SIK2: variants seen among roughly 807,000 people sequenced by gnomAD.
The protein encoded by SIK2 is salt inducible kinase 2, also known as serine/threonine-protein kinase SIK2.
SIK2 carries 29 observed loss-of-function variants against 103.2 expected under a neutral mutation model. That is an observed-to-expected ratio of 0.28 (90% CI 0.21 to 0.38). The LOEUF (loss-of-function observed/expected upper bound fraction) is 0.38, where lower values mean the gene tolerates loss of function less well. SIK2 is among the 10% of genes least tolerant of loss of function. SIK2 has a pLI of 1.00. For synonymous variants in SIK2, 412 were observed against 446.1 expected (o/e 0.92, Z 0.96); for missense variants, 879 against 1,171.0 (o/e 0.75, Z 3.64).
At chr11:111,668,180 GTGT>G (rs1565343257) in intron 3 of SIK2, among the ~76,000 whole-genome samples, 13 of 68,536 alleles carry the variant, frequency 1.9e-4, no homozygotes, top group African/African-American at 6.4e-4. Flanking sequence ...AAAGTAAGGA[GTGT>G]GTGTGTGTGT....
At chr11:111,702,821 T>C (rs1012960697) in intron 6 of SIK2, among the ~76,000 whole-genome samples, 3 of 152,216 alleles carry the variant, frequency 2.0e-5, no homozygotes, top group Non-Finnish European at 4.4e-5. Context: ...TTGCCTCGCT[T>C]ACGTAGCCTT....
At chr11:111,616,187 C>A in intron 1 of SIK2, 56 bp from the exon 2 acceptor site, 1 of 1,197,530 alleles carries the variant, frequency 8.4e-7, no homozygotes, top group Non-Finnish European at 1.2e-6. Context: ...GGATTCTTAA[C>A]TAGAAAATGT....
At chr11:111,666,251 T>C (rs535599082) in intron 3 of SIK2, among the ~76,000 whole-genome samples, 93 of 152,326 alleles carry the variant, frequency 6.1e-4, no homozygotes, top group African/African-American at 2.2e-3. Context: ...TAGAGGGGTG[T>C]TGGAGTTCCT....
chr11:111,690,349 A>G (rs1208005859), intron 4 of SIK2, among the ~76,000 whole-genome samples: 2 of 147,312 alleles, frequency 1.4e-5, no homozygotes, highest in African/African-American at 5.0e-5. Context: ...ACATTCCCTT[A>G]TTACCAAAAC....
chr11:111,714,714 T>C (rs1301289955), intron 9 of SIK2, among the ~76,000 whole-genome samples: 10 of 152,158 alleles, frequency 6.6e-5, no homozygotes, highest in Admixed American at 6.5e-4. Flanking sequence ...AGGCCGACCA[T>C]GAGTTCAGCC....
At chr11:111,650,629 C>T (rs1229935639) in intron 3 of SIK2, among the ~76,000 whole-genome samples, 1 of 152,076 alleles carries the variant, frequency 6.6e-6, no homozygotes, top group Non-Finnish European at 1.5e-5. Context: ...CATTCTCAAC[C>T]TCTTCCATTT....
chr11:111,627,568 G>A (rs1262368706), intron 3 of SIK2, among the ~76,000 whole-genome samples: 1 of 152,076 alleles, frequency 6.6e-6, no homozygotes, highest in Non-Finnish European at 1.5e-5. Context: ...CAGATAAGCG[G>A]GGACTACTGT....
At chr11:111,711,343 G>A (rs1169148894) in intron 8 of SIK2, among the ~76,000 whole-genome samples, 8 of 152,170 alleles carry the variant, frequency 5.3e-5, no homozygotes, top group South Asian at 2.1e-4. Context: ...GGATGGTCTC[G>A]ATCTCCTGAT....
At chr11:111,670,000 G>A (rs1222302213) in intron 3 of SIK2, among the ~76,000 whole-genome samples, 1 of 152,080 alleles carries the variant, frequency 6.6e-6, no homozygotes, top group African/African-American at 2.4e-5. Context: ...GTGTAATTGG[G>A]ATATCTGTCA....
At chr11:111,674,466 A>G (rs1050365878) in intron 3 of SIK2, among the ~76,000 whole-genome samples, 29 of 152,202 alleles carry the variant, frequency 1.9e-4, no homozygotes, top group African/African-American at 5.8e-4. Context: ...AGTCTTTTCT[A>G]CATCATCTTA....
intron 3 of SIK2, among the ~76,000 whole-genome samples, chr11:111,640,812 G>GCAAGCTC (rs1942172968): frequency 8.0e-6 from 1 of 125,646 alleles, no homozygotes; most frequent in South Asian, 2.7e-4. Flanking sequence ...TCAGCTCACT[G>GCAAGCTC]CAAGCTCCGC....
intron 8 of SIK2, among the ~76,000 whole-genome samples, chr11:111,711,107 T>C (rs1429813534): frequency 2.0e-5 from 3 of 151,998 alleles, no homozygotes; most frequent in African/African-American, 7.3e-5. Context: ...TAAGGAAAAA[T>C]TCTCTTTTAA....
At chr11:111,666,290 T>C (rs946927386) in intron 3 of SIK2, among the ~76,000 whole-genome samples, 3 of 152,196 alleles carry the variant, frequency 2.0e-5, no homozygotes, top group Admixed American at 1.3e-4. Flanking sequence ...TCCTGAGGTC[T>C]TTTCTAAGGG....
At position 111,705,466 on chromosome 11, in the gene SIK2, G is replaced by A. The variant is rs1198577187; in HGVS notation, c.1101+327G>A. Among the ~76,000 whole-genome samples, 2 of 152,096 alleles carry A rather than the reference G, an allele frequency of 1.3e-5. No homozygotes were observed. Among genetic ancestry groups the A allele is most frequent in the African/African-American group, 4.8e-5 (2 of 41,414 alleles). On this transcript the variant is annotated intron_variant, in intron 8 of 14. Transcript: ENST00000304987. The surrounding 1 kb of genome is among the most constrained non-coding windows in gnomAD (Gnocchi z 4.3). ...GCTTCTATTCTTAGGCACTGTTGGG[G>A]GTAAGATATATAAACTACAGTCACT...
chr11:111,699,338 T>C (rs1272040521), intron 4 of SIK2, among the ~76,000 whole-genome samples: 5 of 152,196 alleles, frequency 3.3e-5, no homozygotes, highest in African/African-American at 1.2e-4. Context: ...TCCTATCTAC[T>C]TTTTTGGGAC....
chr11:111,709,497 AAAG>A (rs1231339676), intron 8 of SIK2, among the ~76,000 whole-genome samples: 1 of 152,248 alleles, frequency 6.6e-6, no homozygotes, highest in Non-Finnish European at 1.5e-5. Context: ...CACAAAGTCC[AAAG>A]AAGAGATTCA....
chr11:111,720,093 C>T, intron 10 of SIK2, 90 bp downstream of exon 10: 1 of 1,289,602 alleles, frequency 7.8e-7, no homozygotes, highest in African/African-American at 1.5e-5. Context: ...CAGCCAACAC[C>T]TAAAATTGAG....
In SIK2 at chr11:111,705,263, T is replaced by A. The variant is rs978936914; in HGVS notation, c.1101+124T>A. 15 of 1,021,744 alleles carry A rather than the reference T, an allele frequency of 1.5e-5. No homozygotes were observed. The highest frequency in any genetic ancestry group is 2.0e-5 in the Non-Finnish European group (15 of 768,594). The allele number at this position is 1,021,744 out of a possible 1,614,324, so 63.3% of individuals were successfully genotyped here. ...ACACTCCGTTTTTCTGTAAAATTTC[T>A]GCCTGCCATTCACTAGATTCTCAAA... On this transcript the variant is annotated intron_variant, in intron 8 of 14. Coordinates refer to ENST00000304987, the MANE Select transcript of SIK2 (RefSeq NM_015191.3). The surrounding 1 kb of genome is among the most constrained non-coding windows in gnomAD (Gnocchi z 4.3).
chr11:111,657,888 G>A (rs1942413492), intron 3 of SIK2, among the ~76,000 whole-genome samples: 2 of 152,020 alleles, frequency 1.3e-5, no homozygotes, highest in South Asian at 4.2e-4. Flanking sequence ...GATGTAATAA[G>A]AACAGAGAGT....
Sources: allele counts gnomAD v4.1 joint callset (sites outside exome capture counted in the v4.1 genomes callset), GRCh38; gene constraint gnomAD v4.1.1; non-coding constraint Gnocchi (gnomAD v3.1); transcripts MANE v1.5; gene names NCBI Gene and HGNC (gene_info 2026-07-23, HGNC 2026-07-21).